The following SEPTIN10 variants were observed in gnomAD, a reference collection of about 807,000 sequenced individuals.
The protein encoded by SEPTIN10 is septin 10, also known as septin-10.
In SEPTIN10, 66 loss-of-function variants were observed where a neutral mutation model predicts 54.8. The observed-to-expected ratio is 1.21, with a 90% CI of 0.99 to 1.48. The LOEUF (loss-of-function observed/expected upper bound fraction) is 1.48. SEPTIN10 is among the 40% of genes most tolerant of loss of function. The pLI, the probability that SEPTIN10 is intolerant of heterozygous loss-of-function variation, is 0.00. For synonymous variants in SEPTIN10, 161 were observed against 181.0 expected (o/e 0.89, Z 0.89); for missense variants, 620 against 545.6 (o/e 1.14, Z -1.36).
At chr2:109,593,696 G>A (rs895147770) in intron 1 of SEPTIN10, among the ~76,000 whole-genome samples, 3 of 152,038 alleles carry the variant, frequency 2.0e-5, no homozygotes, top group Non-Finnish European at 4.4e-5. Flanking sequence ...GAGCCACCAC[G>A]CCTGGCCTTT....
At chr2:109,551,622 C>G (rs914520246) in intron 9 of SEPTIN10, among the ~76,000 whole-genome samples, 2 of 152,186 alleles carry the variant, frequency 1.3e-5, no homozygotes, top group African/African-American at 4.8e-5. Context: ...GTATCCTATA[C>G]TTTCACTTTT....
In SEPTIN10 at chr2:109,574,634, C is replaced by G; in HGVS notation, c.547G>C (p.Gly183Arg). Residue 183 changes from glycine (G) to arginine (R), a missense_variant, in exon 5 of 11, where the codon GGC becomes CGC. By Grantham distance (125) the Gly-to-Arg change is moderately radical. Transcript: ENST00000397712. ...AGATCAAGTGTCTTCAGAGAGTGGC[C>G]TGTCGGTGAAATGAAGTAGAGACAC... ...HVCLYFISPT[G>R]HSLKTLDLLT... The G allele has an allele frequency of 2.5e-6, 4 of 1,604,390 alleles. No individual in the cohort carries two copies. The highest frequency in any genetic ancestry group is 3.4e-6 in the Non-Finnish European group (4 of 1,175,582).
intron 2 of SEPTIN10, among the ~76,000 whole-genome samples, chr2:109,592,390 G>A (rs566977573): frequency 4.6e-5 from 7 of 152,148 alleles, no homozygotes; most frequent in South Asian, 2.1e-4. Context: ...GCTTGAACCC[G>A]GGAGGCAGAG....
At chr2:109,548,641 C>A (rs1382030413) in intron 9 of SEPTIN10, among the ~76,000 whole-genome samples, 7 of 151,802 alleles carry the variant, frequency 4.6e-5, no homozygotes, top group Non-Finnish European at 1.0e-4. Flanking sequence ...CCAGGTGTGG[C>A]AGTGTGCGCC....
In SEPTIN10 at chr2:109,543,070, A is replaced by G. The variant is rs1680366001; in HGVS notation, c.*1239T>C. On this transcript the variant is annotated 3_prime_UTR_variant, in exon 11 of 11. Transcript: ENST00000397712. Reference sequence around the variant, plus strand: ...ACAAAAAATGAAAATGTATATATCTATGACTGTTAAGAAATGTTAGAAATC... The same window carrying G: ...ACAAAAAATGAAAATGTATATATCTGTGACTGTTAAGAAATGTTAGAAATC... The G allele has an allele frequency of 6.6e-6, 1 of 152,648 alleles. No homozygotes were observed. Among genetic ancestry groups the G allele is most frequent in the Non-Finnish European group, 1.5e-5 (1 of 68,032 alleles). 9.5% of individuals were successfully genotyped at this position (152,648 alleles called of 1,614,324 possible).
At chr2:109,609,336 A>T (rs1021273722) in intron 1 of SEPTIN10, among the ~76,000 whole-genome samples, 1 of 138,588 alleles carries the variant, frequency 7.2e-6, no homozygotes, top group Non-Finnish European at 1.6e-5. Flanking sequence ...GGAGGATACA[A>T]AGAATAATAC....
At position 109,574,672 on chromosome 2, in the gene SEPTIN10, G is replaced by C. The variant is rs1205783685; in HGVS notation, c.509C>G (p.Ser170Cys). 6.2e-7 allele frequency: 1 copy of C among 1,610,128 alleles called. No individual in the cohort carries two copies. The change falls in exon 5 of 11, where the codon TCT becomes TGT. Residue 170 changes from serine to cysteine, a missense_variant. By Grantham distance (112) the Ser-to-Cys change is moderately radical. Transcript: ENST00000397712. ...GAAGTAGAGACACACATGGATGCGAGAATCATGGTAGGTAAAGAGAGAACG... is the reference window on the plus strand; with the variant it reads ...GAAGTAGAGACACACATGGATGCGACAATCATGGTAGGTAAAGAGAGAACG... ...IKRSLFTYHD[S>C]RIHVCLYFIS...
intron 8 of SEPTIN10, among the ~76,000 whole-genome samples, chr2:109,561,625 A>C (rs543038973): frequency 6.6e-6 from 1 of 152,208 alleles, no homozygotes; most frequent in South Asian, 2.1e-4. Context: ...CAAACTCTTC[A>C]CCTGAATATT....
chr2:109,582,294 A>C (rs1010765385), intron 4 of SEPTIN10, among the ~76,000 whole-genome samples: 2 of 152,154 alleles, frequency 1.3e-5, no homozygotes, highest in African/African-American at 4.8e-5. Flanking sequence ...TACCCAAAGC[A>C]ATCTACAGAC....
chr2:109,552,725 C>G (rs1305394283), intron 9 of SEPTIN10: 1 of 199,512 alleles, frequency 5.0e-6, no homozygotes, highest in African/African-American at 2.4e-5. Flanking sequence ...GACAAACCAC[C>G]ACTGAGACTG....
chr2:109,546,567 C>A (rs1681305477), intron 9 of SEPTIN10, among the ~76,000 whole-genome samples: 1 of 150,504 alleles, frequency 6.6e-6, no homozygotes. Flanking sequence ...AGTCCATGCT[C>A]AATAAAAATA....
In SEPTIN10 at chr2:109,612,937, G is replaced by A. The variant is rs1351776468; in HGVS notation, c.30+861C>T. On this transcript the variant is annotated intron_variant, in intron 1 of 10. Coordinates refer to ENST00000397712, the MANE Select transcript of SEPTIN10 (RefSeq NM_144710.5). ...TGTTTCTACAATTTAAACTTCTCAT[G>A]TAGGAGGTTGCTTAGTAGAGTGGTT... Among the ~76,000 whole-genome samples the A allele has an allele frequency of 4.6e-5, 7 of 152,226 alleles. No homozygotes were observed. In the East Asian group the frequency reaches 1.3e-3, roughly 29 times the overall value.
intron 1 of SEPTIN10, among the ~76,000 whole-genome samples, chr2:109,599,051 C>G (rs998018413): frequency 6.6e-6 from 1 of 152,074 alleles, no homozygotes; most frequent in African/African-American, 2.4e-5. Context: ...AATAAAGTTA[C>G]AGGTTAACAG....
intron 8 of SEPTIN10, 143 bp downstream of exon 8, chr2:109,564,223 C>G: frequency 1.4e-6 from 1 of 706,640 alleles, no homozygotes; most frequent in Non-Finnish European, 2.0e-6. Flanking sequence ...TCAAGAAGCA[C>G]AATAATTAGT....
At chr2:109,566,435 C>A (rs994943661) in intron 6 of SEPTIN10, among the ~76,000 whole-genome samples, 2 of 152,034 alleles carry the variant, frequency 1.3e-5, no homozygotes, top group African/African-American at 4.8e-5. Context: ...AGCCACCACA[C>A]CTGGCCGAAA....
chr2:109,603,420 T>C (rs1697114068), intron 1 of SEPTIN10, among the ~76,000 whole-genome samples: 1 of 152,026 alleles, frequency 6.6e-6, no homozygotes, highest in Admixed American at 6.6e-5. Context: ...TGTGTATTTT[T>C]AGTAGAGATG....
At chr2:109,607,633 A>G (rs1210279350) in intron 1 of SEPTIN10, among the ~76,000 whole-genome samples, 1 of 152,242 alleles carries the variant, frequency 6.6e-6, no homozygotes, top group Non-Finnish European at 1.5e-5. Flanking sequence ...GTTATTAATT[A>G]CATTTTATTT....
intron 9 of SEPTIN10, among the ~76,000 whole-genome samples, chr2:109,547,186 T>C (rs1291762880): frequency 1.3e-5 from 2 of 152,206 alleles, no homozygotes; most frequent in African/African-American, 4.8e-5. Context: ...GCCAGCTATG[T>C]GCCTTCCTCC....
At chr2:109,598,548 A>C (rs1178141006) in intron 1 of SEPTIN10, among the ~76,000 whole-genome samples, 1 of 151,962 alleles carries the variant, frequency 6.6e-6, no homozygotes. Context: ...GGCCTAAATA[A>C]TTATCATCGG....
Sources: gnomAD v4.1 joint callset for allele counts (sites outside exome capture counted in the v4.1 genomes callset) on GRCh38, gnomAD v4.1.1 for gene constraint, MANE v1.5 for transcripts, NCBI Gene and HGNC (gene_info 2026-07-23, HGNC 2026-07-21) for gene names.